F13A1: variants seen among roughly 807,000 people sequenced by gnomAD.
F13A1 encodes FSF, A subunit.
Under a neutral mutation model 80.1 loss-of-function variants are expected in F13A1, and 47 were observed. That is an observed-to-expected ratio of 0.59 (90% CI 0.46 to 0.75). F13A1 has a LOEUF of 0.75. F13A1 is among the 30% of genes least tolerant of loss of function. The probability of loss-of-function intolerance (pLI) is 0.00; values close to 1 mark genes in which losing one functional copy is unlikely to be tolerated. For synonymous variants in F13A1, 349 were observed against 344.9 expected (o/e 1.01, Z -0.13); for missense variants, 817 against 930.4 (o/e 0.88, Z 1.59).
rs1041662465 is a variant in F13A1 at position 6,243,702 on chromosome 6, C to T, written c.798+4610G>A. Among the ~76,000 whole-genome samples the T allele has an allele frequency of 1.3e-5, 2 of 152,158 alleles. No homozygotes were observed. The highest frequency in any genetic ancestry group is 6.5e-5 in the Admixed American group (1 of 15,284). ...GCTGTGTGACTTTGAGTGAGGGACA[C>T]CACTTCCAAGGGCTTCTGCTTCCTC... is the stretch of plus-strand genomic sequence containing the variant. On this transcript the variant is annotated intron_variant, in intron 6 of 14. Coordinates refer to ENST00000264870, the MANE Select transcript of F13A1 (RefSeq NM_000129.4). The surrounding 1 kb of genome is among the most constrained non-coding windows in gnomAD (Gnocchi z 4.2).
At chr6:6,273,468 G>T (rs1437224392) in intron 3 of F13A1, among the ~76,000 whole-genome samples, 1 of 152,024 alleles carries the variant, frequency 6.6e-6, no homozygotes, top group African/African-American at 2.4e-5. Flanking sequence ...TTCCTCAGAG[G>T]GTGTTTTCCA....
chr6:6,264,937 C>T (rs1014937075), intron 4 of F13A1, among the ~76,000 whole-genome samples: 2 of 152,052 alleles, frequency 1.3e-5, no homozygotes, highest in Non-Finnish European at 2.9e-5. Flanking sequence ...AATAGCTTGG[C>T]GCCTTTTGCC....
At chr6:6,259,991 T>C (rs1757756826) in intron 4 of F13A1, among the ~76,000 whole-genome samples, 1 of 152,180 alleles carries the variant, frequency 6.6e-6, no homozygotes, top group Non-Finnish European at 1.5e-5. Context: ...TGAAATACAT[T>C]CAATAGTTCA....
intron 4 of F13A1, among the ~76,000 whole-genome samples, chr6:6,256,675 C>T (rs1757707913): frequency 6.6e-6 from 1 of 152,174 alleles, no homozygotes; most frequent in Non-Finnish European, 1.5e-5. Context: ...GACATTCCCA[C>T]TGTCCTCCCG....
In F13A1 at chr6:6,224,797, C is replaced by T. The variant is rs370205818; in HGVS notation, c.862G>A (p.Val288Ile). The change falls in exon 7 of 15, where the codon GTC becomes ATC. Residue 288 changes from valine (V) to isoleucine (I), a missense_variant. By Grantham distance (29) the Val-to-Ile change is conservative. Transcript: ENST00000264870. The part of the protein sequence containing the change: ...GSWDNIYAYG[V>I]PPSAWTGSVD... ...CTTCCAGTCCAGGCCGATGGGGGGA[C>T]GCCATAGGCATAGATATTGTCCCAG... 41 of 1,613,948 alleles carry T rather than the reference C, an allele frequency of 2.5e-5. No individual in the cohort carries two copies. In the Middle Eastern group the frequency reaches 4.9e-4, roughly 19 times the overall value.
chr6:6,276,868 A>C (rs1015067636), intron 3 of F13A1, among the ~76,000 whole-genome samples: 5 of 152,160 alleles, frequency 3.3e-5, no homozygotes, highest in Non-Finnish European at 7.3e-5. Flanking sequence ...TTTTATTTTT[A>C]TTTCTGAGCA....
chr6:6,204,096 C>T (rs1761444749), intron 8 of F13A1, among the ~76,000 whole-genome samples: 1 of 152,110 alleles, frequency 6.6e-6, no homozygotes, highest in African/African-American at 2.4e-5. Flanking sequence ...CTGAGACCAA[C>T]ATGGGCTTCA....
chr6:6,180,746 G>T (rs1302763540), intron 11 of F13A1, among the ~76,000 whole-genome samples: 1 of 152,176 alleles, frequency 6.6e-6, no homozygotes, highest in Non-Finnish European at 1.5e-5. Context: ...CACTAGTTCA[G>T]ATAACAAAAA....
intron 2 of F13A1, among the ~76,000 whole-genome samples, chr6:6,305,883 TTA>T (rs1758505970): frequency 1.3e-5 from 2 of 152,170 alleles, no homozygotes; most frequent in South Asian, 2.1e-4. Context: ...CTAGTTTTCG[TTA>T]TGTTAGAAGC....
At chr6:6,185,988 T>C (rs1761074369) in intron 10 of F13A1, among the ~76,000 whole-genome samples, 1 of 151,126 alleles carries the variant, frequency 6.6e-6, no homozygotes, top group Non-Finnish European at 1.5e-5. Context: ...GTGAGCATTT[T>C]TTCATGTGTT....
rs2151066517 is a variant in F13A1 at position 6,145,524 on chromosome 6, C to A, written c.*95G>T. On this transcript the variant is annotated 3_prime_UTR_variant, in exon 15 of 15. Transcript: ENST00000264870. ...CTGCAGTCCTGTCTGGGTCTTCACA[C>A]CTAAGTCAAAGCAAGAGCTATTTTT... 1 of 1,543,850 alleles carries A rather than the reference C, an allele frequency of 6.5e-7. No individual in the cohort carries two copies. The highest frequency in any genetic ancestry group is 8.9e-7 in the Non-Finnish European group (1 of 1,117,842).
At chr6:6,151,708 A>G (rs1760378690) in intron 14 of F13A1, 105 bp downstream of exon 14, 1 of 1,525,528 alleles carries the variant, frequency 6.6e-7, no homozygotes, top group Non-Finnish European at 9.1e-7. Flanking sequence ...GCAGCTTCCA[A>G]GACATTTTCA....
intron 11 of F13A1, among the ~76,000 whole-genome samples, chr6:6,177,344 C>T (rs1436070036): frequency 1.3e-5 from 2 of 152,168 alleles, no homozygotes; most frequent in East Asian, 1.9e-4. Context: ...CTAGTGTTCT[C>T]GGCTCTCCCT....
intron 13 of F13A1, among the ~76,000 whole-genome samples, chr6:6,158,889 T>C (rs1225808073): frequency 6.7e-6 from 1 of 149,576 alleles, no homozygotes; most frequent in African/African-American, 2.5e-5. Context: ...TCAAGTGGTT[T>C]CCCCTTTTTT....
At chr6:6,248,221 T>C in intron 6 of F13A1, 91 bp downstream of exon 6, 1 of 1,007,622 alleles carries the variant, frequency 9.9e-7, no homozygotes. Context: ...TAAGTGTAAG[T>C]CATCATTTCA....
chr6:6,285,109 C>T (rs1362057359), intron 3 of F13A1, among the ~76,000 whole-genome samples: 1 of 152,164 alleles, frequency 6.6e-6, no homozygotes, highest in Non-Finnish European at 1.5e-5. Flanking sequence ...ATTAGCTAGG[C>T]CTGGTGGCGG....
chr6:6,150,394 A>G (rs1206125932), intron 14 of F13A1, among the ~76,000 whole-genome samples: 3 of 152,092 alleles, frequency 2.0e-5, no homozygotes, highest in Admixed American at 6.5e-5. Context: ...TTAGCACAGG[A>G]AGGTTGCTAT....
intron 3 of F13A1, among the ~76,000 whole-genome samples, chr6:6,278,128 G>T (rs910010376): frequency 6.6e-6 from 1 of 152,214 alleles, no homozygotes; most frequent in Non-Finnish European, 1.5e-5. Context: ...TCGTCAACAG[G>T]TTATTTATTA....
chr6:6,299,563 C>T (rs1758388115), intron 3 of F13A1, among the ~76,000 whole-genome samples: 1 of 137,020 alleles, frequency 7.3e-6, no homozygotes, highest in Non-Finnish European at 1.5e-5. Context: ...CTTCTGCATT[C>T]TTCACGTAGT....
Sources: allele counts gnomAD v4.1 joint callset (sites outside exome capture counted in the v4.1 genomes callset), GRCh38; gene constraint gnomAD v4.1.1; non-coding constraint Gnocchi (gnomAD v3.1); transcripts MANE v1.5; gene names NCBI Gene and HGNC (gene_info 2026-07-23, HGNC 2026-07-21).